The following BCKDHB variants were observed in gnomAD, a reference collection of about 807,000 sequenced individuals.
BCKDHB encodes the protein branched chain keto acid dehydrogenase E1 subunit beta, also known as 2-oxoisovalerate dehydrogenase subunit beta, mitochondrial.
BCKDHB carries 41 observed loss-of-function variants against 48.5 expected under a neutral mutation model. That is an observed-to-expected ratio of 0.85 (90% CI 0.66 to 1.10). BCKDHB has a LOEUF of 1.10. Ranked by LOEUF, BCKDHB falls within the 50% of genes least tolerant of loss-of-function variation. BCKDHB has a pLI of 0.00. For synonymous variants in BCKDHB, 201 were observed against 174.8 expected (o/e 1.15, Z -1.18); for missense variants, 496 against 494.2 (o/e 1.00, Z -0.03).
intron 3 of BCKDHB, among the ~76,000 whole-genome samples, chr6:80,161,553 G>A (rs1772319195): frequency 6.6e-6 from 1 of 152,084 alleles, no homozygotes; most frequent in African/African-American, 2.4e-5. Flanking sequence ...TAAGTGCTAA[G>A]CACTGACACT....
the BCKDHB span, among the ~76,000 whole-genome samples, chr6:80,408,779 C>A: frequency 1.5e-5 from 2 of 131,332 alleles, no homozygotes; most frequent in Non-Finnish European, 3.2e-5. Flanking sequence ...AGCGGTCTAT[C>A]TATTTTGTTG....
chr6:80,107,078 C>A (rs941423489), intron 1 of BCKDHB, among the ~76,000 whole-genome samples, 189 bp downstream of exon 1: 2 of 151,786 alleles, frequency 1.3e-5, no homozygotes, highest in African/African-American at 4.8e-5. Flanking sequence ...TGTGACTGTT[C>A]AGCCCTCGAG....
chr6:80,391,175 A>ATGTG, the BCKDHB span, among the ~76,000 whole-genome samples: 825 of 144,042 alleles, frequency 5.7e-3, 7 homozygotes, highest in Middle Eastern at 0.014. Context: ...ATGCATATAT[A>ATGTG]TATGTGTGTG....
intron 9 of BCKDHB, among the ~76,000 whole-genome samples, chr6:80,276,439 G>C (rs182838292): frequency 6.6e-6 from 1 of 151,898 alleles, no homozygotes; most frequent in East Asian, 1.9e-4. Flanking sequence ...TTTATAATTG[G>C]TATTTTTAGA....
At chr6:80,426,013 C>T in the BCKDHB span, among the ~76,000 whole-genome samples, 6 of 152,160 alleles carry the variant, frequency 3.9e-5, no homozygotes, top group Non-Finnish European at 7.3e-5. Flanking sequence ...AGCTTTTCCT[C>T]TCAACTCATA....
chr6:80,410,500 C>A, the BCKDHB span, among the ~76,000 whole-genome samples: 1 of 152,104 alleles, frequency 6.6e-6, no homozygotes, highest in Non-Finnish European at 1.5e-5. Flanking sequence ...GCCTGCCCTG[C>A]TAGTTTGGAG....
chr6:80,353,801 T>G, the BCKDHB span, among the ~76,000 whole-genome samples: 1 of 152,054 alleles, frequency 6.6e-6, no homozygotes, highest in African/African-American at 2.4e-5. Flanking sequence ...TGCAGTGAGC[T>G]GAGATCATGC....
At chr6:80,318,978 A>G (rs1340720108) in intron 9 of BCKDHB, among the ~76,000 whole-genome samples, 1 of 152,200 alleles carries the variant, frequency 6.6e-6, no homozygotes, top group Admixed American at 6.5e-5. Context: ...ACATATGTGT[A>G]TATTTATATA....
chr6:80,451,276 T>C, the BCKDHB span, among the ~76,000 whole-genome samples: 1 of 152,226 alleles, frequency 6.6e-6, no homozygotes, highest in East Asian at 1.9e-4. Context: ...GTATAGGCTC[T>C]TTTTAAATTG....
chr6:80,288,547 T>C (rs1463100233), intron 9 of BCKDHB, among the ~76,000 whole-genome samples: 2 of 152,106 alleles, frequency 1.3e-5, no homozygotes, highest in African/African-American at 4.8e-5. Flanking sequence ...TTAAATATAC[T>C]TGAAATGTAT....
At chr6:80,441,076 G>T in the BCKDHB span, 1 of 146,180 alleles carries the variant, frequency 6.8e-6, no homozygotes, top group African/African-American at 2.4e-5. Context: ...GAAACTAAAG[G>T]TCATTCCATT....
Position 80,149,513 on chromosome 6 carries a change from T to G in BCKDHB, c.344-18165T>G, listed in dbSNP as rs1462490664. On this transcript the variant is annotated intron_variant, in intron 3 of 9. Transcript: ENST00000320393. ...TAAATCATGCTGCTATAAAGACACA[T>G]GCACACATATGTTTATTCACACACA... 2.0e-5 allele frequency among the ~76,000 whole-genome samples: 3 copies of G among 152,036 alleles called. No individual in the cohort carries two copies. The South Asian group carries it at 6.2e-4, about 32-fold the overall frequency.
At position 80,129,304 on chromosome 6, in the gene BCKDHB, A is replaced by G. The variant is rs931159679; in HGVS notation, c.343+75A>G. The G allele has an allele frequency of 1.1e-5, 15 of 1,329,708 alleles. No homozygotes were observed. In the Admixed American group the frequency reaches 1.2e-4, roughly 11 times the overall value. The allele number at this position is 1,329,708 out of a possible 1,614,324, so 82.4% of individuals were successfully genotyped here. A position where few individuals can be genotyped will look rare whatever the true frequency, so the allele number is the denominator to read the frequency against. On this transcript the variant is annotated intron_variant, in intron 3 of 9. Coordinates refer to ENST00000320393, the MANE Select transcript of BCKDHB (RefSeq NM_183050.4). ...GATCTTAAAAATACAAAATATGCCT[A>G]CTAAATTTTTTGTCATATCCCCATT...
At chr6:80,187,327 T>C (rs1240942492) in intron 6 of BCKDHB, among the ~76,000 whole-genome samples, 1 of 152,242 alleles carries the variant, frequency 6.6e-6, no homozygotes, top group Non-Finnish European at 1.5e-5. Context: ...GTTGCTATTA[T>C]TATCATATAA....
intron 9 of BCKDHB, among the ~76,000 whole-genome samples, chr6:80,331,802 C>T (rs1232138323): frequency 6.6e-6 from 1 of 152,170 alleles, no homozygotes; most frequent in Non-Finnish European, 1.5e-5. Context: ...CACTTCTCAT[C>T]CCTTTTGGCA....
chr6:80,315,987 T>C (rs991445694), intron 9 of BCKDHB, among the ~76,000 whole-genome samples: 2 of 152,166 alleles, frequency 1.3e-5, no homozygotes, highest in Admixed American at 6.5e-5. Context: ...TAAAGAAAAA[T>C]GCTGTATCAG....
intron 8 of BCKDHB, among the ~76,000 whole-genome samples, chr6:80,256,361 T>C (rs1480317714): frequency 6.6e-6 from 1 of 152,184 alleles, no homozygotes; most frequent in Non-Finnish European, 1.5e-5. Context: ...TCCTAGACTA[T>C]AAACCTGTGC....
the BCKDHB span, among the ~76,000 whole-genome samples, chr6:80,398,099 T>C: frequency 1.6e-4 from 25 of 152,218 alleles, no homozygotes; most frequent in Middle Eastern, 3.4e-3. Flanking sequence ...GAAAACTTTA[T>C]AGCACTAAAT....
the BCKDHB span, among the ~76,000 whole-genome samples, chr6:80,456,621 AGCCTGAAGGT>A: frequency 6.6e-6 from 1 of 152,232 alleles, no homozygotes; most frequent in African/African-American, 2.4e-5. Context: ...GATAATATTT[AGCCTGAAGGT>A]CCTGCCAGTT....
Sources: allele counts gnomAD v4.1 joint callset (sites outside exome capture counted in the v4.1 genomes callset), GRCh38; gene constraint gnomAD v4.1.1; transcripts MANE v1.5; gene names NCBI Gene and HGNC (gene_info 2026-07-23, HGNC 2026-07-21).